ATRNL1: variants seen among roughly 807,000 people sequenced by gnomAD.
ATRNL1 encodes the protein attractin-like protein 1.
ATRNL1 carries 95 observed loss-of-function variants against 182.7 expected under a neutral mutation model. That is an observed-to-expected ratio of 0.52 (90% CI 0.44 to 0.62). The LOEUF (loss-of-function observed/expected upper bound fraction) is 0.62, where lower values mean the gene tolerates loss of function less well. Among genes scored for constraint, ATRNL1 ranks in the 20% least tolerant of loss-of-function variants. ATRNL1 has a pLI of 0.00. For missense variants in ATRNL1, 1,471 were observed against 1,679.5 expected, an observed-to-expected ratio of 0.88 and a Z score of 2.17; for synonymous variants, 576 against 568.3, an observed-to-expected ratio of 1.01 and a Z score of -0.19.
intron 25 of ATRNL1, among the ~76,000 whole-genome samples, chr10:115,526,021 G>A (rs1851197333): frequency 6.6e-6 from 1 of 152,158 alleles, no homozygotes; most frequent in South Asian, 2.1e-4. Flanking sequence ...AAAAGAAGTG[G>A]TGACAGTTTG....
At chr10:115,580,975 A>G (rs889597989) in intron 26 of ATRNL1, among the ~76,000 whole-genome samples, 1 of 152,092 alleles carries the variant, frequency 6.6e-6, no homozygotes, top group Non-Finnish European at 1.5e-5. Context: ...GAACACCCAT[A>G]TGACTGTTTC....
chr10:115,291,781 A>G (rs934491546), intron 15 of ATRNL1, among the ~76,000 whole-genome samples: 14 of 135,862 alleles, frequency 1.0e-4, no homozygotes, highest in Non-Finnish European at 2.0e-4. Context: ...GCATTGTTGC[A>G]TATGTTCATC....
intron 26 of ATRNL1, among the ~76,000 whole-genome samples, chr10:115,645,961 C>G (rs968768809): frequency 3.3e-5 from 5 of 151,560 alleles, no homozygotes; most frequent in African/African-American, 1.2e-4. Flanking sequence ...ACCTTTAGAT[C>G]CCATATTCTT....
rs187773314 is a variant in ATRNL1, at chr10:115,584,465, G to T, written c.3795+34929G>T. 7.2e-3 allele frequency among the ~76,000 whole-genome samples: 1,011 copies of T among 141,030 alleles called. 12 individuals are homozygous for T. Among genetic ancestry groups the T allele is most frequent in the African/African-American group, 0.023 (916 of 39,912 alleles). The allele number at this position is 141,030 out of a possible 152,430, so 92.5% of individuals were successfully genotyped here. On this transcript the variant is annotated intron_variant, in intron 26 of 28. Transcript: ENST00000355044. ...CTATTCAGAGATTCAACTTCTTCTT[G>T]GTTTAGTCTTGGGAGAGTGTATGTA...
chr10:115,142,845 G>A (rs1411130777), intron 5 of ATRNL1, among the ~76,000 whole-genome samples: 1 of 152,158 alleles, frequency 6.6e-6, no homozygotes, highest in Non-Finnish European at 1.5e-5. Context: ...GATGTGGGGG[G>A]TGAGGGAAAG....
chr10:115,244,271 T>C (rs1021792131), intron 10 of ATRNL1, among the ~76,000 whole-genome samples: 1 of 152,188 alleles, frequency 6.6e-6, no homozygotes, highest in Non-Finnish European at 1.5e-5. Context: ...CAAAATGTAT[T>C]ATTTGAACAT....
chr10:115,737,188 G>C (rs2134086253), intron 27 of ATRNL1, among the ~76,000 whole-genome samples: 1 of 151,858 alleles, frequency 6.6e-6, no homozygotes, highest in Non-Finnish European at 1.5e-5. Flanking sequence ...CACTTTGGGA[G>C]GCCTAGGCAG....
At chr10:115,717,955 A>G (rs1468388709) in intron 26 of ATRNL1, among the ~76,000 whole-genome samples, 1 of 152,082 alleles carries the variant, frequency 6.6e-6, no homozygotes, top group Non-Finnish European at 1.5e-5. Context: ...CTGTGTGACT[A>G]TTTCTGATAA....
chr10:115,354,322 A>G (rs896049822), intron 19 of ATRNL1, among the ~76,000 whole-genome samples: 2 of 152,022 alleles, frequency 1.3e-5, no homozygotes, highest in Non-Finnish European at 2.9e-5. Context: ...TTACTTTCAG[A>G]TTGATAAAAT....
intron 19 of ATRNL1, among the ~76,000 whole-genome samples, chr10:115,364,976 A>G (rs1406724278): frequency 6.6e-6 from 1 of 151,114 alleles, no homozygotes; most frequent in Non-Finnish European, 1.5e-5. Flanking sequence ...TTGGTCTAAA[A>G]TTCTCTTTTT....
At chr10:115,288,651 A>G (rs1234508266) in intron 15 of ATRNL1, among the ~76,000 whole-genome samples, 2 of 151,782 alleles carry the variant, frequency 1.3e-5, no homozygotes, top group African/African-American at 2.4e-5. Flanking sequence ...CCTCCCGAGT[A>G]GCTGGGATTA....
chr10:115,613,031 C>G (rs12267941), intron 26 of ATRNL1, among the ~76,000 whole-genome samples: 1,668 of 152,312 alleles, frequency 0.011, 30 homozygotes, highest in African/African-American at 0.038. Context: ...GGATGGTCAG[C>G]AAATTCTGAG....
intron 27 of ATRNL1, among the ~76,000 whole-genome samples, chr10:115,767,599 C>T (rs1468996365): frequency 6.6e-6 from 1 of 152,152 alleles, no homozygotes; most frequent in Non-Finnish European, 1.5e-5. Flanking sequence ...TTGCACCAGA[C>T]TCATTCTTGC....
chr10:115,893,981 A>G (rs1409993000), intron 28 of ATRNL1, among the ~76,000 whole-genome samples: 1 of 152,136 alleles, frequency 6.6e-6, no homozygotes, highest in Non-Finnish European at 1.5e-5. Flanking sequence ...AAAAAATCTT[A>G]GGAAAGACTT....
At chr10:115,537,640 A>G (rs560148963) in intron 25 of ATRNL1, among the ~76,000 whole-genome samples, 1 of 152,030 alleles carries the variant, frequency 6.6e-6, no homozygotes, top group Non-Finnish European at 1.5e-5. Flanking sequence ...TCACTTTTTC[A>G]TTGTTAGAGG....
intron 24 of ATRNL1, among the ~76,000 whole-genome samples, chr10:115,478,200 C>T (rs117473788): frequency 0.019 from 2,924 of 151,634 alleles, 63 homozygotes; most frequent in East Asian, 0.12. Context: ...AAACAAGGAC[C>T]GTTTATTATT....
chr10:115,920,767 T>C (rs1953027167), intron 28 of ATRNL1, among the ~76,000 whole-genome samples: 1 of 152,210 alleles, frequency 6.6e-6, no homozygotes, highest in African/African-American at 2.4e-5. Context: ...CAGGAGCTCT[T>C]CTAGTCAGTA....
At chr10:115,899,254 C>A (rs563918820) in intron 28 of ATRNL1, among the ~76,000 whole-genome samples, 1 of 151,972 alleles carries the variant, frequency 6.6e-6, no homozygotes, top group Non-Finnish European at 1.5e-5. Context: ...TTTGTCCTTG[C>A]GATAGTTTGC....
intron 5 of ATRNL1, among the ~76,000 whole-genome samples, chr10:115,130,472 A>G (rs1845180412): frequency 6.6e-6 from 1 of 152,078 alleles, no homozygotes; most frequent in South Asian, 2.1e-4. Context: ...ACTTAGAGGA[A>G]TTATTTTAGG....
Sources: gnomAD v4.1 joint callset for allele counts (sites outside exome capture counted in the v4.1 genomes callset) on GRCh38, gnomAD v4.1.1 for gene constraint, MANE v1.5 for transcripts, NCBI Gene and HGNC (gene_info 2026-07-23, HGNC 2026-07-21) for gene names.